HSF5: variants seen among roughly 807,000 people sequenced by gnomAD.
The protein encoded by HSF5 is heat shock factor protein 5.
Under a neutral mutation model 50.8 loss-of-function variants are expected in HSF5, and 5 were observed. The observed-to-expected ratio is 0.10, with a 90% CI of 0.05 to 0.21. The LOEUF (loss-of-function observed/expected upper bound fraction) is 0.21, where lower values mean the gene tolerates loss of function less well. HSF5 is among the 10% of genes least tolerant of loss of function. The pLI, the probability that HSF5 is intolerant of heterozygous loss-of-function variation, is 1.00. For missense variants in HSF5, 564 were observed against 762.6 expected (o/e 0.74, Z 3.07); for synonymous variants, 307 against 307.4 (o/e 1.00, Z 0.02).
At chr17:58,487,198 G>A (rs1975196350) in intron 1 of HSF5, among the ~76,000 whole-genome samples, 1 of 152,130 alleles carries the variant, frequency 6.6e-6, no homozygotes, top group African/African-American at 2.4e-5. Flanking sequence ...GAGCCACCAC[G>A]CCCAACCGTA....
chr17:58,453,350 T>C (rs922211018), intron 5 of HSF5, among the ~76,000 whole-genome samples: 2 of 152,034 alleles, frequency 1.3e-5, no homozygotes, highest in African/African-American at 2.4e-5. Flanking sequence ...TCCCAACACT[T>C]TGGGGGGCTA....
At chr17:58,464,287 T>C (rs1328134249) in intron 3 of HSF5, among the ~76,000 whole-genome samples, 1 of 152,222 alleles carries the variant, frequency 6.6e-6, no homozygotes, top group Non-Finnish European at 1.5e-5. Flanking sequence ...AAGTGCTTTA[T>C]ATAGATTTCA....
At chr17:58,436,971 T>C (rs941924174) in intron 5 of HSF5, among the ~76,000 whole-genome samples, 2 of 152,218 alleles carry the variant, frequency 1.3e-5, no homozygotes, top group African/African-American at 4.8e-5. Context: ...GGCCTTTTAA[T>C]TCCATTTTTG....
chr17:58,468,836 T>A (rs1048714620), intron 2 of HSF5, among the ~76,000 whole-genome samples: 7 of 152,158 alleles, frequency 4.6e-5, no homozygotes, highest in African/African-American at 1.2e-4. Flanking sequence ...TGACTTTTTT[T>A]AACAATTTTG....
At chr17:58,482,376 T>C (rs1406121211) in intron 1 of HSF5, among the ~76,000 whole-genome samples, 2 of 152,014 alleles carry the variant, frequency 1.3e-5, no homozygotes, top group African/African-American at 4.8e-5. Flanking sequence ...GGCGGGAGGA[T>C]TGCTTGAGCT....
At chr17:58,462,758 G>A in intron 4 of HSF5, 24 bp downstream of exon 4, 1 of 1,556,474 alleles carries the variant, frequency 6.4e-7, no homozygotes, top group Non-Finnish European at 8.7e-7. Context: ...AGCTTTATAA[G>A]CATTTTTTTC....
chr17:58,459,052 A>G, intron 4 of HSF5, 107 bp from the exon 5 acceptor site: 4 of 947,702 alleles, frequency 4.2e-6, no homozygotes, highest in Non-Finnish European at 6.4e-6. Context: ...TCCAACAAAC[A>G]AGCTTATAAG....
At chr17:58,449,681 C>T (rs1289447255) in intron 5 of HSF5, among the ~76,000 whole-genome samples, 2 of 146,020 alleles carry the variant, frequency 1.4e-5, no homozygotes, top group Non-Finnish European at 3.0e-5. Flanking sequence ...GCCCAGGTGA[C>T]GGAGTGAGGC....
intron 5 of HSF5, among the ~76,000 whole-genome samples, chr17:58,434,943 A>G (rs1974407376): frequency 6.6e-6 from 1 of 152,226 alleles, no homozygotes; most frequent in South Asian, 2.1e-4. Flanking sequence ...ACCAAAGGGG[A>G]CAGGATTCTG....
intron 2 of HSF5, among the ~76,000 whole-genome samples, chr17:58,470,982 T>C (rs562018162): frequency 1.3e-5 from 2 of 152,254 alleles, no homozygotes; most frequent in African/African-American, 4.8e-5. Flanking sequence ...ATATGAGATA[T>C]TTAGAATAGT....
intron 5 of HSF5, among the ~76,000 whole-genome samples, chr17:58,455,741 C>G (rs1974702269): frequency 6.6e-6 from 1 of 152,016 alleles, no homozygotes; most frequent in Non-Finnish European, 1.5e-5. Context: ...GAAAAATGCT[C>G]AATATCACCA....
chr17:58,468,557 T>A (rs1448377551), intron 2 of HSF5, among the ~76,000 whole-genome samples: 2 of 152,208 alleles, frequency 1.3e-5, no homozygotes, highest in African/African-American at 4.8e-5. Flanking sequence ...TATGTCCACA[T>A]TTTTCATATT....
At chr17:58,442,572 T>C (rs1197612796) in intron 5 of HSF5, among the ~76,000 whole-genome samples, 22 of 152,242 alleles carry the variant, frequency 1.4e-4, no homozygotes, top group Non-Finnish European at 2.9e-5. Context: ...TGTCCAATGC[T>C]TTCCCTGCAT....
chr17:58,488,297 G>A lies in HSF5; in HGVS notation c.-23C>T, dbSNP rs765103174. The A allele has an allele frequency of 1.4e-5, 20 of 1,449,810 alleles. No individual in the cohort carries two copies. In the South Asian group the frequency reaches 2.3e-4, roughly 17 times the overall value. 89.8% of individuals were successfully genotyped at this position (1,449,810 alleles called of 1,614,324 possible). On this transcript the variant is annotated 5_prime_UTR_variant, in exon 1 of 6. Transcript: ENST00000323777. The surrounding 1 kb of genome is among the most constrained non-coding windows in gnomAD (Gnocchi z 4.1). ...CATCGCCCCGCCGGGCCGGGGCCTC[G>A]CCCCCCGAGCCTAGCTCTCCCACAC...
intron 2 of HSF5, among the ~76,000 whole-genome samples, chr17:58,474,943 G>A (rs910612082): frequency 6.6e-6 from 1 of 151,958 alleles, no homozygotes; most frequent in Non-Finnish European, 1.5e-5. Context: ...GGCAAATCTG[G>A]GGGAAAAAAT....
chr17:58,426,541 G>A, intron 5 of HSF5, among the ~76,000 whole-genome samples: 1 of 152,192 alleles, frequency 6.6e-6, no homozygotes, highest in Middle Eastern at 3.2e-3. Context: ...CCTACCAAGA[G>A]CATCCTCTAG....
chr17:58,468,789 T>C (rs1974906586), intron 2 of HSF5, among the ~76,000 whole-genome samples: 1 of 152,136 alleles, frequency 6.6e-6, no homozygotes, highest in African/African-American at 2.4e-5. Flanking sequence ...TGGGCAAAAT[T>C]ATAGTTCAGA....
chr17:58,472,836 T>G (rs1451002343), intron 2 of HSF5, among the ~76,000 whole-genome samples: 1 of 152,098 alleles, frequency 6.6e-6, no homozygotes, highest in African/African-American at 2.4e-5. Context: ...ACTCTAGCAA[T>G]TGGAGTACAT....
At chr17:58,427,760 G>A (rs549174210) in intron 5 of HSF5, among the ~76,000 whole-genome samples, 52 of 152,326 alleles carry the variant, frequency 3.4e-4, no homozygotes, top group Non-Finnish European at 6.5e-4. Context: ...CCCACAAGGG[G>A]TGCCTCCTCA....
Sources: allele counts gnomAD v4.1 joint callset (sites outside exome capture counted in the v4.1 genomes callset), GRCh38; gene constraint gnomAD v4.1.1; non-coding constraint Gnocchi (gnomAD v3.1); transcripts MANE v1.5; gene names NCBI Gene and HGNC (gene_info 2026-07-23, HGNC 2026-07-21).